The following GLIS3 variants were observed in gnomAD, a reference collection of about 807,000 sequenced individuals.
GLIS3 encodes zinc finger protein GLIS3.
A neutral mutation model predicts 78.6 loss-of-function variants in GLIS3; 53 were observed. The ratio of observed to expected loss-of-function variants is 0.67; its 90% confidence interval spans 0.54 to 0.85. The LOEUF (loss-of-function observed/expected upper bound fraction) is 0.85. Ranked by LOEUF, GLIS3 falls within the 40% of genes least tolerant of loss-of-function variation. The pLI is 0.00. For missense variants in GLIS3, 1,703 were observed against 1,231.1 expected (o/e 1.38, Z -5.74); for synonymous variants, 684 against 509.9 (o/e 1.34, Z -4.60).
chr9:4,294,898 T>C (rs1336112709), intron 1 of GLIS3, among the ~76,000 whole-genome samples: 2 of 152,222 alleles, frequency 1.3e-5, no homozygotes, highest in Non-Finnish European at 2.9e-5. Context: ...GTAAGTGAAA[T>C]ATACAATTAT....
intron 4 of GLIS3, among the ~76,000 whole-genome samples, chr9:4,097,252 A>C (rs1211534927): frequency 3.3e-5 from 5 of 152,110 alleles, no homozygotes; most frequent in Non-Finnish European, 5.9e-5. Context: ...ATAAATTAAG[A>C]GTCAAAAGGA....
intron 4 of GLIS3, among the ~76,000 whole-genome samples, chr9:4,004,273 A>T (rs1821359693): frequency 2.0e-5 from 3 of 152,228 alleles, no homozygotes; most frequent in Admixed American, 1.3e-4. Flanking sequence ...GAGGTAAACA[A>T]GAAAAAGACT....
intron 2 of GLIS3, chr9:4,147,722 T>C (rs1834337845): frequency 6.6e-6 from 1 of 151,726 alleles, no homozygotes; most frequent in Non-Finnish European, 1.5e-5. Flanking sequence ...GAACAATACT[T>C]GGGCAGGTCA....
chr9:3,993,046 C>G (rs949769787), intron 4 of GLIS3, among the ~76,000 whole-genome samples: 10 of 152,090 alleles, frequency 6.6e-5, no homozygotes, highest in Admixed American at 6.6e-4. Flanking sequence ...TACACGTGAG[C>G]CAGATGTTGG....
intron 2 of GLIS3, among the ~76,000 whole-genome samples, chr9:4,248,552 G>C (rs1312668018): frequency 1.3e-5 from 2 of 152,234 alleles, no homozygotes; most frequent in African/African-American, 4.8e-5. Flanking sequence ...ATAAATATAT[G>C]TGTGCATGTG....
intron 4 of GLIS3, among the ~76,000 whole-genome samples, chr9:3,967,843 A>G (rs1818073766): frequency 6.6e-6 from 1 of 152,216 alleles, no homozygotes; most frequent in African/African-American, 2.4e-5. Flanking sequence ...GCAGAAGGAC[A>G]GGCACCAAGC....
intron 2 of GLIS3, among the ~76,000 whole-genome samples, chr9:4,209,867 C>A (rs1820233010): frequency 6.6e-6 from 1 of 151,898 alleles, no homozygotes; most frequent in Admixed American, 6.6e-5. Flanking sequence ...GCAAAATCAC[C>A]CCAAGTTGAG....
chr9:4,211,878 T>C (rs925906813), intron 2 of GLIS3, among the ~76,000 whole-genome samples: 3 of 152,200 alleles, frequency 2.0e-5, no homozygotes, highest in East Asian at 3.8e-4. Context: ...ACAGCATGGA[T>C]TGACCTTGAA....
intron 4 of GLIS3, among the ~76,000 whole-genome samples, chr9:3,991,832 A>G (rs1000732474): frequency 6.6e-6 from 1 of 151,842 alleles, no homozygotes; most frequent in Non-Finnish European, 1.5e-5. Flanking sequence ...CTGGGACTAC[A>G]GGCGCCTGCA....
At chr9:3,844,217 G>A (rs930514700) in intron 9 of GLIS3, among the ~76,000 whole-genome samples, 1 of 152,166 alleles carries the variant, frequency 6.6e-6, no homozygotes, top group African/African-American at 2.4e-5. Flanking sequence ...CAGCAACCCA[G>A]ATGTTCACTG....
chr9:4,406,026 T>A, the GLIS3 span, among the ~76,000 whole-genome samples: 8 of 152,150 alleles, frequency 5.3e-5, no homozygotes, highest in African/African-American at 1.9e-4. Context: ...CTCTTCATGA[T>A]AAAAACCCTC....
At chr9:4,033,882 A>AC (rs2130295401) in intron 4 of GLIS3, among the ~76,000 whole-genome samples, 1 of 150,858 alleles carries the variant, frequency 6.6e-6, no homozygotes, top group East Asian at 1.9e-4. Flanking sequence ...AAAAAAAAAA[A>AC]AAAAAAAACT....
At chr9:3,835,985 A>G (rs751943765) in intron 9 of GLIS3, among the ~76,000 whole-genome samples, 6 of 152,188 alleles carry the variant, frequency 3.9e-5, no homozygotes, top group Non-Finnish European at 7.3e-5. Context: ...ACAATAGAAA[A>G]TTTTCTTTAC....
chr9:4,318,787 A>G (rs1297531762), intron 2 of GLIS3, among the ~76,000 whole-genome samples: 2 of 152,200 alleles, frequency 1.3e-5, no homozygotes, highest in Middle Eastern at 3.2e-3. Flanking sequence ...TGCTAAAACT[A>G]TTAGGTGAAA....
intron 7 of GLIS3, among the ~76,000 whole-genome samples, chr9:3,894,516 A>G (rs534156529): frequency 6.6e-6 from 1 of 152,280 alleles, no homozygotes; most frequent in Non-Finnish European, 1.5e-5. Flanking sequence ...AATAGTAACT[A>G]TTTCACAAAT....
the GLIS3 span, among the ~76,000 whole-genome samples, chr9:4,480,299 A>C: frequency 6.7e-6 from 1 of 149,838 alleles, no homozygotes; most frequent in Non-Finnish European, 1.5e-5. Flanking sequence ...AGACTACCCA[A>C]GTTCAAATAA....
chr9:4,001,230 GAA>G (rs1301119382), intron 4 of GLIS3, among the ~76,000 whole-genome samples: 1 of 152,100 alleles, frequency 6.6e-6, no homozygotes, highest in Non-Finnish European at 1.5e-5. Flanking sequence ...AATTAAGAGA[GAA>G]AGAATAATTA....
At chr9:4,097,534 C>G (rs1830052096) in intron 4 of GLIS3, among the ~76,000 whole-genome samples, 1 of 152,114 alleles carries the variant, frequency 6.6e-6, no homozygotes, top group Non-Finnish European at 1.5e-5. Flanking sequence ...CGCCAGCTTC[C>G]TCCCTCTTTT....
chr9:4,049,828 C>A (rs1310379471), intron 4 of GLIS3, among the ~76,000 whole-genome samples: 2 of 152,124 alleles, frequency 1.3e-5, no homozygotes, highest in Non-Finnish European at 2.9e-5. Context: ...ATTTATGCAG[C>A]CAACAGACAC....
Sources: gnomAD v4.1 joint callset for allele counts (sites outside exome capture counted in the v4.1 genomes callset) on GRCh38, gnomAD v4.1.1 for gene constraint, MANE v1.5 for transcripts, NCBI Gene and HGNC (gene_info 2026-07-23, HGNC 2026-07-21) for gene names.